The following RAC1 variants were observed in gnomAD, a reference collection of about 807,000 sequenced individuals.
RAC1 encodes the protein ras-related C3 botulinum toxin substrate 1.
RAC1 carries 2 observed loss-of-function variants against 25.2 expected under a neutral mutation model. The ratio of observed to expected loss-of-function variants is 0.08; its 90% confidence interval spans 0.03 to 0.25. The LOEUF (loss-of-function observed/expected upper bound fraction) is 0.25, where lower values mean the gene tolerates loss of function less well. RAC1 is among the 10% of genes least tolerant of loss of function. The probability of loss-of-function intolerance (pLI) is 1.00; values close to 1 mark genes in which losing one functional copy is unlikely to be tolerated. For missense variants in RAC1, 50 were observed against 235.7 expected (o/e 0.21, Z 5.16); for synonymous variants, 88 against 94.0 (o/e 0.94, Z 0.37).
At chr7:6,399,847 C>T (rs943510366) in intron 3 of RAC1, 3 of 435,628 alleles carry the variant, frequency 6.9e-6, no homozygotes, top group Non-Finnish European at 1.2e-5. Flanking sequence ...AAGGAAGCCT[C>T]CTGAGGGTCT....
At position 6,402,664 on chromosome 7, in the gene RAC1, C is replaced by G; in HGVS notation, c.*218C>G. The G allele has an allele frequency of 9.7e-6, 4 of 413,834 alleles. No homozygotes were observed. The highest frequency in any genetic ancestry group is 1.6e-5 in the Non-Finnish European group (4 of 245,298). 25.6% of individuals were successfully genotyped at this position (413,834 alleles called of 1,614,324 possible). A position where few individuals can be genotyped will look rare whatever the true frequency, so the allele number is the denominator to read the frequency against. ...TTCTAAATGTAAGAGTTCAGACTCA[C>G]ATTCTATTAAAATTTAGCCCTAAAA... On this transcript the variant is annotated 3_prime_UTR_variant, in exon 6 of 6. Coordinates refer to ENST00000348035, the MANE Select transcript of RAC1 (RefSeq NM_006908.5).
At chr7:6,393,672 C>A (rs1414744382) in intron 3 of RAC1, among the ~76,000 whole-genome samples, 1 of 152,172 alleles carries the variant, frequency 6.6e-6, no homozygotes, top group Non-Finnish European at 1.5e-5. Flanking sequence ...CTGTGGACTG[C>A]TTTCCTATAA....
chr7:6,388,346 CTTTT>C (rs71008389), intron 2 of RAC1, among the ~76,000 whole-genome samples: 1 of 121,822 alleles, frequency 8.2e-6, no homozygotes, highest in Non-Finnish European at 1.7e-5. Flanking sequence ...TGTTGTTTTC[CTTTT>C]TTTTTTTTTT....
intron 5 of RAC1, 63 bp from the exon 6 acceptor site, chr7:6,402,253 G>A (rs2115218025): frequency 6.5e-7 from 1 of 1,538,052 alleles, no homozygotes; most frequent in Non-Finnish European, 8.7e-7. Context: ...GCCTCCCGCT[G>A]GTGGTGTGAT....
At chr7:6,380,693 A>T (rs1782738673) in intron 1 of RAC1, among the ~76,000 whole-genome samples, 1 of 152,184 alleles carries the variant, frequency 6.6e-6, no homozygotes, top group Non-Finnish European at 1.5e-5. Flanking sequence ...AAAAATTTCA[A>T]ACAGACTAGT....
chr7:6,383,558 A>G (rs1421068605), intron 1 of RAC1, among the ~76,000 whole-genome samples: 2 of 152,106 alleles, frequency 1.3e-5, no homozygotes. Context: ...TTCCCGGTTG[A>G]GCCTTTCTCA....
Position 6,403,674 on chromosome 7 carries a change from A to G in RAC1, c.*1228A>G, listed in dbSNP as rs1361851231. On this transcript the variant is annotated 3_prime_UTR_variant, in exon 6 of 6. Coordinates refer to ENST00000348035, the MANE Select transcript of RAC1 (RefSeq NM_006908.5). Reference sequence around the variant, plus strand: ...GTCTTGCCAGATTACCGACACTGTCACTTGACCAATACTGACCCTCTTTAC... The same window carrying G: ...GTCTTGCCAGATTACCGACACTGTCGCTTGACCAATACTGACCCTCTTTAC... 1 of 207,500 alleles carries G rather than the reference A, an allele frequency of 4.8e-6. No homozygotes were observed. Among genetic ancestry groups the G allele is most frequent in the African/African-American group, 2.3e-5 (1 of 43,906 alleles). 12.9% of individuals were successfully genotyped at this position (207,500 alleles called of 1,614,324 possible).
chr7:6,401,694 G>A (rs1188472041), intron 4 of RAC1, 174 bp from the exon 5 acceptor site: 1 of 578,226 alleles, frequency 1.7e-6, no homozygotes, highest in East Asian at 3.0e-5. Context: ...GAACACCTGA[G>A]ATGTTCCTTA....
At chr7:6,394,138 TTTC>T (rs1184578473) in intron 3 of RAC1, among the ~76,000 whole-genome samples, 2 of 152,174 alleles carry the variant, frequency 1.3e-5, no homozygotes, top group Non-Finnish European at 2.9e-5. Flanking sequence ...AGTTGGAAGA[TTTC>T]TTATCTAGGG....
At chr7:6,378,651 G>A (rs949289049) in intron 1 of RAC1, among the ~76,000 whole-genome samples, 7 of 152,154 alleles carry the variant, frequency 4.6e-5, no homozygotes, top group Non-Finnish European at 7.3e-5. Flanking sequence ...ATATTACATA[G>A]GGTTGATACT....
At chr7:6,377,959 T>G (rs1782653525) in intron 1 of RAC1, among the ~76,000 whole-genome samples, 1 of 152,146 alleles carries the variant, frequency 6.6e-6, no homozygotes, top group African/African-American at 2.4e-5. Flanking sequence ...GCTTTGACCC[T>G]TTGCCTGGAC....
At chr7:6,376,254 C>T (rs1341187018) in intron 1 of RAC1, among the ~76,000 whole-genome samples, 2 of 127,934 alleles carry the variant, frequency 1.6e-5, no homozygotes, top group East Asian at 2.6e-4. Flanking sequence ...ACGATTTCGG[C>T]TCACTACAAC....
rs1368775378 is a variant in RAC1 at position 6,374,565 on chromosome 7, C to A, written c.-171C>A. 3.6e-5 allele frequency: 8 copies of A among 222,772 alleles called. No homozygotes were observed. In the East Asian group the frequency reaches 4.7e-4, roughly 13 times the overall value. 13.8% of individuals were successfully genotyped at this position (222,772 alleles called of 1,614,324 possible). On this transcript the variant is annotated 5_prime_UTR_variant, in exon 1 of 6. Transcript: ENST00000348035. ...GTTTTCCTCAGCTTTGGGTGGTGGCCGCTGCCGGGCATCGGCTTCCAGTCC... is the reference window on the plus strand; with the variant it reads ...GTTTTCCTCAGCTTTGGGTGGTGGCAGCTGCCGGGCATCGGCTTCCAGTCC...
chr7:6,387,953 G>C (rs1279259652), intron 2 of RAC1, among the ~76,000 whole-genome samples: 2 of 152,146 alleles, frequency 1.3e-5, no homozygotes, highest in African/African-American at 4.8e-5. Context: ...GAACTGGAAA[G>C]GGAAAGATTC....
chr7:6,393,363 A>G (rs974943822), intron 3 of RAC1, among the ~76,000 whole-genome samples: 1 of 152,220 alleles, frequency 6.6e-6, no homozygotes, highest in Non-Finnish European at 1.5e-5. Context: ...TGGCTGGTAG[A>G]GTAGGAGACT....
chr7:6,376,501 C>CTT (rs1782601672), intron 1 of RAC1, among the ~76,000 whole-genome samples: 4 of 91,194 alleles, frequency 4.4e-5, no homozygotes, highest in East Asian at 3.8e-4. Context: ...TTTTTTTTTT[C>CTT]TTTTCTTTTT....
intron 2 of RAC1, 124 bp from the exon 3 acceptor site, chr7:6,391,800 T>C: frequency 6.8e-7 from 1 of 1,471,786 alleles, no homozygotes; most frequent in Non-Finnish European, 9.1e-7. Flanking sequence ...TGCAGGGACA[T>C]TTGCTGGTGT....
intron 1 of RAC1, among the ~76,000 whole-genome samples, chr7:6,383,570 C>G (rs1379704777): frequency 3.3e-5 from 5 of 152,154 alleles, no homozygotes; most frequent in South Asian, 2.1e-4. Flanking sequence ...CCTTTCTCAG[C>G]TAAAGATGTC....
intron 4 of RAC1, among the ~76,000 whole-genome samples, chr7:6,401,393 A>T (rs1251705555): frequency 6.6e-6 from 1 of 152,228 alleles, no homozygotes; most frequent in Non-Finnish European, 1.5e-5. Flanking sequence ...CAAACTTCTT[A>T]GTGAAAATGA....
Sources: allele counts gnomAD v4.1 joint callset (sites outside exome capture counted in the v4.1 genomes callset), GRCh38; gene constraint gnomAD v4.1.1; transcripts MANE v1.5; gene names NCBI Gene and HGNC (gene_info 2026-07-23, HGNC 2026-07-21).